Variants in C11orf65 observed in about 807,000 individuals in gnomAD.
C11orf65 encodes protein MFI.
Under a neutral mutation model 35.3 loss-of-function variants are expected in C11orf65, and 38 were observed. That is an observed-to-expected ratio of 1.08 (90% confidence interval 0.83 to 1.41). C11orf65 has a LOEUF of 1.41. C11orf65 is among the 40% of genes most tolerant of loss of function. The pLI is 0.00. For synonymous variants in C11orf65, 105 were observed against 114.4 expected (o/e 0.92, Z 0.53); for missense variants, 370 against 367.1 (o/e 1.01, Z -0.06).
chr11:108,366,211 G>A lies in C11orf65; in HGVS notation c.226+26997C>T, dbSNP rs118179262. ...TTCTCTTTATCTTTTAAGCCCTTCT[G>A]TACTGTCCATGTATGTTATCTTTCT... On this transcript the variant is annotated intron_variant, in intron 2 of 3. Coordinates refer to the C11orf65 transcript ENST00000524755. The A allele has an allele frequency of 1.4e-4, 27 of 195,040 alleles. No homozygotes were observed. The highest frequency in any genetic ancestry group is 2.7e-4 in the Non-Finnish European group (25 of 93,830). The allele number at this position is 195,040 out of a possible 1,614,324, so 12.1% of individuals were successfully genotyped here. A position where few individuals can be genotyped will look rare whatever the true frequency, so the allele number is the denominator to read the frequency against.
At chr11:108,385,558 T>C (rs2091972504) in intron 8 of C11orf65, among the ~76,000 whole-genome samples, 3 of 152,020 alleles carry the variant, frequency 2.0e-5, no homozygotes, top group African/African-American at 7.2e-5. Context: ...GGCGGGTGCC[T>C]GTAGTTCCAG....
chr11:108,462,548 CCT>C (rs1433983325), intron 1 of C11orf65: 1 of 152,016 alleles, frequency 6.6e-6, no homozygotes, highest in Admixed American at 6.6e-5. Flanking sequence ...TTTTACATAC[CCT>C]GTTGTATGAC....
chr11:108,406,952 T>A lies in C11orf65; in HGVS notation c.240A>T (p.Pro80=), dbSNP rs1244384075. 10 of 1,608,532 alleles carry A rather than the reference T, an allele frequency of 6.2e-6. No individual in the cohort carries two copies. Among genetic ancestry groups the A allele is most frequent in the African/African-American group, 1.3e-5 (1 of 74,932 alleles). ...VRFRLGGVKF[P]PDIYYKIFTH... ...TAAAAATCTTATAGTATATATCAGGTGGAAATTTAACCTGTAGAAGGAAAA... is the reference window on the plus strand; with the variant it reads ...TAAAAATCTTATAGTATATATCAGGAGGAAATTTAACCTGTAGAAGGAAAA... The change falls in exon 5 of 9, where the codon CCA becomes CCT. Residue 80 remains proline (P), a synonymous_variant. Coordinates refer to ENST00000393084, the MANE Select transcript of C11orf65 (RefSeq NM_152587.5).
rs1565534524 is a variant in C11orf65, at chr11:108,332,038, G to C, written c.300-471C>G. 6.2e-7 allele frequency: 1 copy of C among 1,613,520 alleles called. No individual in the cohort carries two copies. The highest frequency in any genetic ancestry group is 8.5e-7 in the Non-Finnish European group (1 of 1,179,686). On this transcript the variant is annotated intron_variant, in intron 3 of 3. Coordinates refer to the C11orf65 transcript ENST00000524755. Reference sequence around the variant, plus strand: ...TAAACAAAGCTCTCAGCTTGATGAGGTATTTGGATTAAACATACGTACCTT... The same window carrying C: ...TAAACAAAGCTCTCAGCTTGATGAGCTATTTGGATTAAACATACGTACCTT...
chr11:108,382,950 C>T lies in C11orf65; in HGVS notation c.*71G>A, dbSNP rs2091895624. On this transcript the variant is annotated 3_prime_UTR_variant, in exon 9 of 9. Transcript: ENST00000393084. ...TACACAAGTTATTCCAGTCAGAATACACTATCTCTTGGCTATAACTGATGG... is the reference window on the plus strand; with the variant it reads ...TACACAAGTTATTCCAGTCAGAATATACTATCTCTTGGCTATAACTGATGG... The T allele has an allele frequency of 3.8e-6, 6 of 1,588,028 alleles. No homozygotes were observed. In the East Asian group the frequency reaches 6.8e-5, roughly 18 times the overall value.
intron 2 of C11orf65, among the ~76,000 whole-genome samples, chr11:108,338,626 A>T (rs1290162820): frequency 6.6e-6 from 1 of 152,106 alleles, no homozygotes; most frequent in African/African-American, 2.4e-5. Context: ...ACTGCAGTCC[A>T]GTCTGGACAA....
At chr11:108,334,154 CT>C (rs2086581181) in intron 3 of C11orf65, among the ~76,000 whole-genome samples, 1 of 151,732 alleles carries the variant, frequency 6.6e-6, no homozygotes, top group African/African-American at 2.4e-5. Flanking sequence ...AAAGCTTCTC[CT>C]GCTTTCTTTT....
chr11:108,385,778 A>C (rs2091981590), intron 8 of C11orf65, 142 bp downstream of exon 8: 2 of 668,042 alleles, frequency 3.0e-6, no homozygotes, highest in Admixed American at 5.4e-5. Context: ...TCTTACATAC[A>C]AAGGTAAAAA....
chr11:108,443,347 G>C (rs935625571), intron 2 of C11orf65, among the ~76,000 whole-genome samples: 3 of 151,844 alleles, frequency 2.0e-5, no homozygotes, highest in African/African-American at 7.3e-5. Context: ...GACCTACAAA[G>C]AGACTTAGAC....
At chr11:108,366,046 A>C (rs1591391056) in intron 2 of C11orf65, 1 of 176,172 alleles carries the variant, frequency 5.7e-6, no homozygotes, top group East Asian at 9.7e-5. Context: ...AAAAAAAAAA[A>C]AACAGAAACG....
chr11:108,385,986 T>G lies in C11orf65; in HGVS notation c.732-11A>C, dbSNP rs200638990. The G allele has an allele frequency of 1.9e-6, 3 of 1,607,898 alleles. No individual in the cohort carries two copies. The highest frequency in any genetic ancestry group is 2.6e-6 in the Non-Finnish European group (3 of 1,175,966). On this transcript the variant is annotated splice_polypyrimidine_tract_variant and intron_variant, in intron 7 of 8. Coordinates refer to ENST00000393084, the MANE Select transcript of C11orf65 (RefSeq NM_152587.5). ...CAGCTGGCAATGTACCTAAGCACAT[T>G]ATATGAGGATTCATTAAATTTAATC... is the stretch of plus-strand genomic sequence containing the variant.
At chr11:108,453,424 T>C (rs1161824458) in intron 2 of C11orf65, among the ~76,000 whole-genome samples, 1 of 151,988 alleles carries the variant, frequency 6.6e-6, no homozygotes, top group Non-Finnish European at 1.5e-5. Context: ...TAAATATAAA[T>C]GGTCTAAACA....
chr11:108,341,625 GAC>G (rs2087591798), intron 2 of C11orf65, among the ~76,000 whole-genome samples: 1 of 152,054 alleles, frequency 6.6e-6, no homozygotes, highest in Admixed American at 6.5e-5. Context: ...TAGAACTAAA[GAC>G]ACCATAAGGA....
downstream of C11orf65, among the ~76,000 whole-genome samples, chr11:108,380,516 C>T (rs905057618): frequency 6.6e-6 from 1 of 152,212 alleles, no homozygotes; most frequent in Non-Finnish European, 1.5e-5. Flanking sequence ...AGACATTAAA[C>T]AACCAGATGT....
rs1264932751 is a variant in C11orf65 at position 108,312,479 on chromosome 11, A to G, written c.641-3408T>C. The G allele has an allele frequency of 1.9e-6, 3 of 1,575,078 alleles. No individual in the cohort carries two copies. Among genetic ancestry groups the G allele is most frequent in the South Asian group, 1.1e-5 (1 of 90,206 alleles). On this transcript the variant is annotated intron_variant, in intron 6 of 6. Transcript: ENST00000525729. ...AGCTTGAGTGAAAAAAGTAAAGAAG[A>G]AACTGGAATAAGTTTACAGGTAAAT...
chr11:108,375,201 T>C (rs2091689532), intron 2 of C11orf65, among the ~76,000 whole-genome samples: 6 of 151,364 alleles, frequency 4.0e-5, no homozygotes, highest in Admixed American at 3.9e-4. Context: ...TCACCAAAGT[T>C]GAAATGAAGG....
At chr11:108,411,810 T>A (rs1257878476) in intron 3 of C11orf65, among the ~76,000 whole-genome samples, 1 of 151,246 alleles carries the variant, frequency 6.6e-6, no homozygotes, top group Admixed American at 6.6e-5. Flanking sequence ...TTTTTTGAGA[T>A]GGAGTCTCGC....
chr11:108,467,950 C>G (rs539632503), upstream of C11orf65, among the ~76,000 whole-genome samples: 5 of 152,100 alleles, frequency 3.3e-5, no homozygotes, highest in South Asian at 4.2e-4. Context: ...GTCAGCCTCC[C>G]GAGTAGCTGG....
At chr11:108,447,850 G>A (rs2093286571) in intron 2 of C11orf65, among the ~76,000 whole-genome samples, 1 of 152,132 alleles carries the variant, frequency 6.6e-6, no homozygotes, top group South Asian at 2.1e-4. Context: ...TCAGGAGCTG[G>A]TTTTTTGAAA....
Sources: allele counts gnomAD v4.1 joint callset (sites outside exome capture counted in the v4.1 genomes callset), GRCh38; gene constraint gnomAD v4.1.1; transcripts MANE v1.5; gene names NCBI Gene and HGNC (gene_info 2026-07-23, HGNC 2026-07-21).